GABRB2: variants seen among roughly 807,000 people sequenced by gnomAD.
GABRB2 encodes the protein gamma-aminobutyric acid receptor subunit beta-2.
In GABRB2, 16 loss-of-function variants were observed where a neutral mutation model predicts 54.7. That is an observed-to-expected ratio of 0.29 (90% confidence interval 0.20 to 0.44). The LOEUF (loss-of-function observed/expected upper bound fraction) is 0.44, where lower values mean the gene tolerates loss of function less well. GABRB2 is among the 20% of genes least tolerant of loss of function. GABRB2 has a pLI of 1.00. For synonymous variants in GABRB2, 244 were observed against 233.8 expected, an observed-to-expected ratio of 1.04 and a Z score of -0.40; for missense variants, 355 against 644.0, an observed-to-expected ratio of 0.55 and a Z score of 4.86.
At chr5:161,326,950 T>C (rs1758383036) in intron 8 of GABRB2, 2 of 970,750 alleles carry the variant, frequency 2.1e-6, no homozygotes, top group Non-Finnish European at 2.4e-6. Context: ...AAGGAAACAA[T>C]ATAAAGCTTA....
At chr5:161,356,410 C>A (rs1754629379) in intron 5 of GABRB2, among the ~76,000 whole-genome samples, 1 of 152,112 alleles carries the variant, frequency 6.6e-6, no homozygotes, top group African/African-American at 2.4e-5. Context: ...CCATCTAGAG[C>A]CAACCTTATT....
At chr5:161,500,352 G>A (rs1275543987) in intron 3 of GABRB2, among the ~76,000 whole-genome samples, 1 of 152,006 alleles carries the variant, frequency 6.6e-6, no homozygotes, top group African/African-American at 2.4e-5. Context: ...ACAGATGGCT[G>A]GAGTGGATGA....
chr5:161,418,769 A>G (rs1285133808), intron 4 of GABRB2, among the ~76,000 whole-genome samples: 1 of 152,196 alleles, frequency 6.6e-6, no homozygotes, highest in African/African-American at 2.4e-5. Flanking sequence ...CAGAATCTAC[A>G]AGGAACTCAA....
intron 4 of GABRB2, among the ~76,000 whole-genome samples, chr5:161,445,593 AC>A (rs947196213): frequency 2.6e-5 from 4 of 152,230 alleles, no homozygotes; most frequent in African/African-American, 9.6e-5. Flanking sequence ...CTGATAAGAA[AC>A]ATTTACAATT....
chr5:161,431,305 C>T (rs1287346581), intron 4 of GABRB2, among the ~76,000 whole-genome samples: 1 of 152,030 alleles, frequency 6.6e-6, no homozygotes, highest in Non-Finnish European at 1.5e-5. Context: ...TTATTACAAT[C>T]TATTTTAATA....
intron 5 of GABRB2, among the ~76,000 whole-genome samples, chr5:161,395,743 A>G (rs1307803913): frequency 6.6e-6 from 1 of 152,126 alleles, no homozygotes; most frequent in Non-Finnish European, 1.5e-5. Flanking sequence ...AAAATCCTTG[A>G]GGCTATTCAA....
rs1234391093 is a variant in GABRB2, at chr5:161,534,315, C to T, written c.237+10912G>A. Among the ~76,000 whole-genome samples, 3 of 152,142 alleles carry T rather than the reference C, an allele frequency of 2.0e-5. No homozygotes were observed. In the East Asian group the frequency reaches 5.8e-4, roughly 29 times the overall value. On this transcript the variant is annotated intron_variant, in intron 3 of 9. Coordinates refer to ENST00000393959, the MANE Select transcript of GABRB2 (RefSeq NM_001371727.1). Reference sequence around the variant, plus strand: ...CTGACAAGAGAGAATTATCTGGCTCCAAATTCCAATATAGCCAAGGTAAAG... The same window carrying T: ...CTGACAAGAGAGAATTATCTGGCTCTAAATTCCAATATAGCCAAGGTAAAG...
chr5:161,546,005 C>T (rs1345558777), intron 2 of GABRB2, among the ~76,000 whole-genome samples: 1 of 152,216 alleles, frequency 6.6e-6, no homozygotes, highest in Non-Finnish European at 1.5e-5. Flanking sequence ...GTTCTCTCGG[C>T]ACACCATTAA....
At chr5:161,512,418 C>A (rs905931784) in intron 3 of GABRB2, among the ~76,000 whole-genome samples, 1 of 151,802 alleles carries the variant, frequency 6.6e-6, no homozygotes, top group Non-Finnish European at 1.5e-5. Context: ...AAGTTACACG[C>A]ATACAGCCAT....
intron 5 of GABRB2, among the ~76,000 whole-genome samples, chr5:161,362,603 TG>T (rs35485132): frequency 0.022 from 3,352 of 152,160 alleles, 57 homozygotes; most frequent in Non-Finnish European, 0.034. Flanking sequence ...ACCTACAGAA[TG>T]GGAGAAAATT....
At chr5:161,497,490 G>T (rs780140938) in intron 3 of GABRB2, among the ~76,000 whole-genome samples, 13 of 151,470 alleles carry the variant, frequency 8.6e-5, no homozygotes, top group Non-Finnish European at 1.5e-4. Context: ...AGTTTTAAAT[G>T]CATTGCCATT....
upstream of GABRB2, among the ~76,000 whole-genome samples, chr5:161,547,418 T>C (rs1761021336): frequency 6.6e-6 from 1 of 151,976 alleles, no homozygotes; most frequent in South Asian, 2.1e-4. Flanking sequence ...TCTCTTCTAG[T>C]AGTCAAAGAG....
chr5:161,414,127 G>A (rs1756595045), intron 4 of GABRB2, among the ~76,000 whole-genome samples: 1 of 152,084 alleles, frequency 6.6e-6, no homozygotes, highest in African/African-American at 2.4e-5. Context: ...ATGTCTTCTA[G>A]TCAATATTTA....
At chr5:161,372,009 C>A (rs1755146830) in intron 5 of GABRB2, among the ~76,000 whole-genome samples, 1 of 152,090 alleles carries the variant, frequency 6.6e-6, no homozygotes, top group Non-Finnish European at 1.5e-5. Flanking sequence ...GGATTACAGG[C>A]ATGTGTCACT....
chr5:161,477,897 T>G (rs1758644271), intron 3 of GABRB2, among the ~76,000 whole-genome samples: 1 of 151,972 alleles, frequency 6.6e-6, no homozygotes, highest in Non-Finnish European at 1.5e-5. Flanking sequence ...CACAACTATG[T>G]GTATGTAATA....
chr5:161,478,286 C>T (rs1012249794), intron 3 of GABRB2, among the ~76,000 whole-genome samples: 2 of 151,930 alleles, frequency 1.3e-5, no homozygotes, highest in African/African-American at 4.8e-5. Context: ...TGACATAACA[C>T]CATTAAGTTA....
intron 4 of GABRB2, among the ~76,000 whole-genome samples, chr5:161,449,752 A>G (rs537588498): frequency 1.3e-5 from 2 of 152,166 alleles, no homozygotes; most frequent in East Asian, 1.9e-4. Context: ...AGATATATAT[A>G]CACCTATACC....
rs1475114862 is a variant in GABRB2, at chr5:161,501,680, T to C, written c.238-41836A>G. ...TGAACCCGATTATCTTTTAGGTGTATTGTGTTTGTGTCTGCATTTAAATAT... is the reference window on the plus strand; with the variant it reads ...TGAACCCGATTATCTTTTAGGTGTACTGTGTTTGTGTCTGCATTTAAATAT... On this transcript the variant is annotated intron_variant, in intron 3 of 9. Transcript: ENST00000393959. 9.9e-5 allele frequency among the ~76,000 whole-genome samples: 15 copies of C among 152,024 alleles called. No homozygotes were observed. In the East Asian group the frequency reaches 1.5e-3, roughly 16 times the overall value.
intron 5 of GABRB2, among the ~76,000 whole-genome samples, chr5:161,395,838 C>T (rs1755980004): frequency 6.6e-6 from 1 of 152,002 alleles, no homozygotes; most frequent in Admixed American, 6.6e-5. Flanking sequence ...CCACTCCAGC[C>T]CTTATACCTT....
Sources: allele counts gnomAD v4.1 joint callset (sites outside exome capture counted in the v4.1 genomes callset), GRCh38; gene constraint gnomAD v4.1.1; transcripts MANE v1.5; gene names NCBI Gene and HGNC (gene_info 2026-07-23, HGNC 2026-07-21).